The following ACTL8 variants were observed in gnomAD, a reference collection of about 807,000 sequenced individuals.
The protein encoded by ACTL8 is actin-like protein 8.
In ACTL8, 3 loss-of-function variants were observed where a neutral mutation model predicts 9.3. The observed-to-expected ratio is 0.32, with a 90% confidence interval of 0.15 to 0.83. The LOEUF (loss-of-function observed/expected upper bound fraction) is 0.83. Ranked by LOEUF, ACTL8 falls within the 40% of genes least tolerant of loss-of-function variation. The pLI is 0.57. For synonymous variants in ACTL8, 224 were observed against 205.9 expected, an observed-to-expected ratio of 1.09 and a Z score of -0.75; for missense variants, 381 against 492.2, an observed-to-expected ratio of 0.77 and a Z score of 2.14.
intron 1 of ACTL8, among the ~76,000 whole-genome samples, chr1:17,808,402 T>TA (rs1372347283): frequency 6.6e-6 from 1 of 152,200 alleles, no homozygotes; most frequent in Non-Finnish European, 1.5e-5. Flanking sequence ...GACTACGGTG[T>TA]AGAGAGGTGC....
chr1:17,786,338 G>A (rs1224639889), intron 1 of ACTL8, among the ~76,000 whole-genome samples: 2 of 152,204 alleles, frequency 1.3e-5, no homozygotes, highest in Non-Finnish European at 2.9e-5. Flanking sequence ...TGGATCACTG[G>A]GTTCGCCTTC....
At chr1:17,793,098 G>A (rs1230113376) in intron 1 of ACTL8, among the ~76,000 whole-genome samples, 2 of 152,196 alleles carry the variant, frequency 1.3e-5, no homozygotes, top group East Asian at 1.9e-4. Flanking sequence ...TTGCACTGTC[G>A]AGGGGACGAT....
chr1:17,786,412 T>C (rs955434064), intron 1 of ACTL8, among the ~76,000 whole-genome samples: 2 of 152,354 alleles, frequency 1.3e-5, no homozygotes, highest in Admixed American at 1.3e-4. Flanking sequence ...ATAAGAGTTA[T>C]TAGTTTAAAG....
At chr1:17,797,609 C>T (rs773572734) in intron 1 of ACTL8, among the ~76,000 whole-genome samples, 1 of 152,188 alleles carries the variant, frequency 6.6e-6, no homozygotes, top group Non-Finnish European at 1.5e-5. Flanking sequence ...ATAATCAGAC[C>T]TTCCTGTCCT....
At chr1:17,810,388 T>C (rs1458477643) in intron 1 of ACTL8, among the ~76,000 whole-genome samples, 1 of 152,218 alleles carries the variant, frequency 6.6e-6, no homozygotes, top group Non-Finnish European at 1.5e-5. Flanking sequence ...TGTAAATACT[T>C]TTTCATGGAT....
chr1:17,822,127 A>G (rs1405457555), intron 1 of ACTL8, among the ~76,000 whole-genome samples: 2 of 152,170 alleles, frequency 1.3e-5, no homozygotes, highest in African/African-American at 2.4e-5. Flanking sequence ...TGCTTAGCTC[A>G]TGTTTAACAC....
intron 1 of ACTL8, among the ~76,000 whole-genome samples, chr1:17,762,490 G>A (rs1187618791): frequency 1.3e-5 from 2 of 152,124 alleles, no homozygotes; most frequent in East Asian, 1.9e-4. Flanking sequence ...CCTGGGCCGG[G>A]AGCCATCCGA....
chr1:17,784,165 A>G (rs1376556426), intron 1 of ACTL8, among the ~76,000 whole-genome samples: 3 of 152,206 alleles, frequency 2.0e-5, no homozygotes, highest in African/African-American at 4.8e-5. Flanking sequence ...GAAACTTACA[A>G]TCATGGCCGA....
intron 1 of ACTL8, among the ~76,000 whole-genome samples, chr1:17,793,787 C>T (rs113230237): frequency 8.9e-4 from 135 of 152,274 alleles, no homozygotes; most frequent in African/African-American, 3.0e-3. Flanking sequence ...ACCTCCCGGC[C>T]TGTGTCACCT....
chr1:17,758,470 C>G (rs1005391726), intron 1 of ACTL8, among the ~76,000 whole-genome samples: 68 of 152,114 alleles, frequency 4.5e-4, no homozygotes, highest in African/African-American at 1.5e-3. Context: ...GTTTCCAGAC[C>G]CTAAGTCAAT....
intron 1 of ACTL8, among the ~76,000 whole-genome samples, chr1:17,807,678 G>C (rs2066367829): frequency 6.6e-6 from 1 of 152,126 alleles, no homozygotes. Context: ...AAAAGAATGA[G>C]TTCATGTCCT....
chr1:17,826,399 C>A lies in ACTL8; in HGVS notation c.981C>A (p.Val327=). 6.2e-7 allele frequency: 1 copy of A among 1,614,132 alleles called. No homozygotes were observed. The highest frequency in any genetic ancestry group is 1.1e-5 in the South Asian group (1 of 91,070). ...ACGTCTCCTCCACCAAGGCCACAGT[C>A]TGGGAGGGTTCCAATAGAAACTTTA... The part of the protein sequence containing the change: ...GDHVSSTKAT[V]WEGSNRNFSV... The change falls in exon 3 of 3, where the codon GTC becomes GTA. Residue 327 remains valine (V), a synonymous_variant. Transcript: ENST00000375406. The surrounding 1 kb of genome is among the most constrained non-coding windows in gnomAD (Gnocchi z 4.5).
chr1:17,770,703 T>TAG (rs1427066843), intron 1 of ACTL8, among the ~76,000 whole-genome samples: 1 of 151,988 alleles, frequency 6.6e-6, no homozygotes, highest in Non-Finnish European at 1.5e-5. Context: ...AGAGAGACAG[T>TAG]AGTGGCAGAA....
chr1:17,812,163 T>C (rs1271570422), intron 1 of ACTL8, among the ~76,000 whole-genome samples: 1 of 152,126 alleles, frequency 6.6e-6, no homozygotes, highest in Non-Finnish European at 1.5e-5. Flanking sequence ...CAGCTCTATC[T>C]TGATTATTAT....
chr1:17,791,373 T>C (rs528067235), intron 1 of ACTL8, among the ~76,000 whole-genome samples: 1 of 152,298 alleles, frequency 6.6e-6, no homozygotes, highest in East Asian at 1.9e-4. Context: ...GAAACTGTGT[T>C]CACAGAATAG....
intron 1 of ACTL8, among the ~76,000 whole-genome samples, chr1:17,798,331 C>T (rs1446090884): frequency 6.6e-6 from 1 of 151,996 alleles, no homozygotes; most frequent in Admixed American, 6.6e-5. Flanking sequence ...CCAGCAAATG[C>T]AGAATTAGAA....
intron 1 of ACTL8, among the ~76,000 whole-genome samples, chr1:17,757,040 G>A (rs537548617): frequency 2.0e-5 from 3 of 152,280 alleles, no homozygotes; most frequent in East Asian, 3.9e-4. Flanking sequence ...TGAGGCAGGC[G>A]GATTGCTTGA....
Position 17,791,319 on chromosome 1 carries a change from C to T in ACTL8, c.-24-31666C>T, listed in dbSNP as rs149408117. On this transcript the variant is annotated intron_variant, in intron 1 of 2. Coordinates refer to ENST00000375406, the MANE Select transcript of ACTL8 (RefSeq NM_030812.3). ...ATGGCAGCAGCTGCTTCAGATGGCT[C>T]GCTGCTGCCATCACCTTGATACCAC... is the stretch of plus-strand genomic sequence containing the variant. Among the ~76,000 whole-genome samples, 10 of 152,262 alleles carry T rather than the reference C, an allele frequency of 6.6e-5. No homozygotes were observed. In the East Asian group the frequency reaches 1.7e-3, roughly 27 times the overall value.
At chr1:17,821,980 A>G (rs182780059) in intron 1 of ACTL8, among the ~76,000 whole-genome samples, 38 of 152,250 alleles carry the variant, frequency 2.5e-4, no homozygotes, top group Non-Finnish European at 3.8e-4. Context: ...GTAGCTTTTG[A>G]GTAAGTCTGA....
Sources: allele counts gnomAD v4.1 joint callset (sites outside exome capture counted in the v4.1 genomes callset), GRCh38; gene constraint gnomAD v4.1.1; non-coding constraint Gnocchi (gnomAD v3.1); transcripts MANE v1.5; gene names NCBI Gene and HGNC (gene_info 2026-07-23, HGNC 2026-07-21).